Variants in C8orf34 observed in about 807,000 individuals in gnomAD.
The protein encoded by C8orf34 is chromosome 8 open reading frame 34.
C8orf34 carries 65 observed loss-of-function variants against 68.3 expected under a neutral mutation model. That is an observed-to-expected ratio of 0.95 (90% confidence interval 0.78 to 1.17). The LOEUF (loss-of-function observed/expected upper bound fraction) is 1.17. Among genes scored for constraint, C8orf34 ranks in the 50% most tolerant of loss-of-function variants. C8orf34 has a pLI of 0.00. For synonymous variants in C8orf34, 244 were observed against 241.2 expected, an observed-to-expected ratio of 1.01 and a Z score of -0.11; for missense variants, 664 against 655.4, an observed-to-expected ratio of 1.01 and a Z score of -0.14.
intron 1 of C8orf34, among the ~76,000 whole-genome samples, chr8:68,393,991 A>C (rs1266817507): frequency 6.6e-6 from 1 of 152,162 alleles, no homozygotes; most frequent in East Asian, 1.9e-4. Context: ...AAATGTTACC[A>C]GTAAGACTTA....
intron 7 of C8orf34, among the ~76,000 whole-genome samples, chr8:68,590,131 G>A (rs958520740): frequency 2.1e-5 from 3 of 145,352 alleles, no homozygotes; most frequent in African/African-American, 7.7e-5. Flanking sequence ...GGAAGAGAAA[G>A]GAAGGAAGGA....
chr8:68,641,021 A>G (rs1470801183), intron 8 of C8orf34, among the ~76,000 whole-genome samples: 1 of 152,220 alleles, frequency 6.6e-6, no homozygotes, highest in Non-Finnish European at 1.5e-5. Context: ...AGTAGCTTGT[A>G]GTTACTGCCA....
chr8:68,810,585 C>T (rs897470146), intron 12 of C8orf34, among the ~76,000 whole-genome samples: 1 of 152,112 alleles, frequency 6.6e-6, no homozygotes, highest in Admixed American at 6.5e-5. Context: ...CTCTTTCAGT[C>T]CTGCTGTTTG....
intron 7 of C8orf34, among the ~76,000 whole-genome samples, chr8:68,612,178 C>T (rs16934777): frequency 0.15 from 23,477 of 152,000 alleles, 1,980 homozygotes; most frequent in African/African-American, 0.22. Flanking sequence ...TTCATTATCA[C>T]TTCCCAAACT....
chr8:68,785,069 G>T (rs1433529738), intron 11 of C8orf34, among the ~76,000 whole-genome samples: 1 of 151,974 alleles, frequency 6.6e-6, no homozygotes, highest in Non-Finnish European at 1.5e-5. Context: ...TATGGGCCAG[G>T]CATGGTTGCT....
rs377627380 is a variant in C8orf34, at chr8:68,755,136, GTAAA to G, written c.1405-21260_1405-21257del. On this transcript the variant is annotated intron_variant, in intron 10 of 13. Coordinates refer to ENST00000518698, the MANE Select transcript of C8orf34 (RefSeq NM_052958.4). Reference sequence around the variant, plus strand: ...TCAAATTTCTTCCTTTCGACTTGCAGTAAATATTTTGTACTAAGCATGTATAAGA... The same window carrying G: ...TCAAATTTCTTCCTTTCGACTTGCAGTATTTTGTACTAAGCATGTATAAGA... 1.5e-3 allele frequency among the ~76,000 whole-genome samples: 229 copies of G among 152,218 alleles called. 1 individual carries two copies. Among genetic ancestry groups the G allele is most frequent in the African/African-American group, 5.1e-3 (213 of 41,528 alleles).
At chr8:68,812,967 A>T (rs1824699375) in intron 12 of C8orf34, among the ~76,000 whole-genome samples, 2 of 152,228 alleles carry the variant, frequency 1.3e-5, no homozygotes, top group African/African-American at 4.8e-5. Flanking sequence ...TGTAGTAATC[A>T]TAGTTCATCA....
At chr8:68,649,734 C>T (rs1819287383) in intron 8 of C8orf34, among the ~76,000 whole-genome samples, 2 of 152,128 alleles carry the variant, frequency 1.3e-5, no homozygotes, top group South Asian at 4.1e-4. Context: ...TATGTGTGCA[C>T]ACTCACACAC....
intron 3 of C8orf34, among the ~76,000 whole-genome samples, chr8:68,449,108 CTTAA>C (rs139523472): frequency 0.014 from 2,059 of 152,148 alleles, 34 homozygotes; most frequent in East Asian, 0.095. Context: ...ACTGCATTGA[CTTAA>C]TTAATATTTA....
intron 9 of C8orf34, among the ~76,000 whole-genome samples, chr8:68,719,967 T>G (rs1425772660): frequency 1.3e-5 from 2 of 151,978 alleles, no homozygotes; most frequent in Non-Finnish European, 2.9e-5. Flanking sequence ...TATGCTTAAT[T>G]TACAACCTAA....
chr8:68,545,651 T>C (rs1408560520), intron 7 of C8orf34, among the ~76,000 whole-genome samples: 2 of 152,038 alleles, frequency 1.3e-5, no homozygotes, highest in Admixed American at 6.6e-5. Flanking sequence ...TTGTTCAAAA[T>C]GATGGCAAAA....
At chr8:68,676,747 A>G (rs547907028) in intron 8 of C8orf34, among the ~76,000 whole-genome samples, 2 of 152,182 alleles carry the variant, frequency 1.3e-5, no homozygotes, top group South Asian at 4.1e-4. Context: ...TGCTGCTGAT[A>G]AAGACATACC....
chr8:68,552,223 A>T (rs1032241540), intron 7 of C8orf34, among the ~76,000 whole-genome samples: 1 of 152,192 alleles, frequency 6.6e-6, no homozygotes, highest in African/African-American at 2.4e-5. Flanking sequence ...TTTAGAGTCA[A>T]CTTAACTTCC....
At chr8:68,521,708 G>T (rs2129677498) in intron 5 of C8orf34, 91 bp from the exon 6 acceptor site, 1 of 1,127,376 alleles carries the variant, frequency 8.9e-7, no homozygotes, top group South Asian at 1.7e-5. Flanking sequence ...AAAAGCATTT[G>T]ACAGTCAAAT....
At chr8:68,775,209 T>G (rs1338187324) in intron 10 of C8orf34, among the ~76,000 whole-genome samples, 4 of 152,060 alleles carry the variant, frequency 2.6e-5, no homozygotes, top group East Asian at 1.9e-4. Flanking sequence ...GAGGTTGTCT[T>G]GCCCTCAATG....
chr8:68,581,798 A>C (rs1440534131), intron 7 of C8orf34, among the ~76,000 whole-genome samples: 1 of 152,074 alleles, frequency 6.6e-6, no homozygotes, highest in Non-Finnish European at 1.5e-5. Context: ...AGGGGCAAGA[A>C]TCCTTTATCA....
intron 5 of C8orf34, among the ~76,000 whole-genome samples, chr8:68,518,981 A>G (rs548222218): frequency 6.6e-6 from 1 of 152,276 alleles, no homozygotes; most frequent in Admixed American, 6.5e-5. Flanking sequence ...GTGGCAATCA[A>G]GGGTCTAGTT....
chr8:68,567,664 G>T (rs138764395), intron 7 of C8orf34, among the ~76,000 whole-genome samples: 1 of 122,144 alleles, frequency 8.2e-6, no homozygotes, highest in African/African-American at 3.1e-5. Flanking sequence ...GTGCAATCTC[G>T]GCTCACTGCA....
chr8:68,381,026 A>G (rs893079988), intron 1 of C8orf34, among the ~76,000 whole-genome samples: 2 of 152,240 alleles, frequency 1.3e-5, no homozygotes, highest in Non-Finnish European at 2.9e-5. Flanking sequence ...GACAGAATTT[A>G]CAATTAAGAA....
Sources: gnomAD v4.1 joint callset for allele counts (sites outside exome capture counted in the v4.1 genomes callset) on GRCh38, gnomAD v4.1.1 for gene constraint, MANE v1.5 for transcripts, NCBI Gene and HGNC (gene_info 2026-07-23, HGNC 2026-07-21) for gene names.